BBS9: variants seen among roughly 807,000 people sequenced by gnomAD.
BBS9 encodes the protein Bardet-Biedl syndrome 9, also known as protein PTHB1.
A neutral mutation model predicts 117.7 loss-of-function variants in BBS9; 89 were observed. That is an observed-to-expected ratio of 0.76 (90% confidence interval 0.64 to 0.90). BBS9 has a LOEUF of 0.90. Ranked by LOEUF, BBS9 falls within the 40% of genes least tolerant of loss-of-function variation. The pLI is 0.00. For synonymous variants in BBS9, 379 were observed against 370.9 expected, an observed-to-expected ratio of 1.02 and a Z score of -0.25; for missense variants, 982 against 1,042.2, an observed-to-expected ratio of 0.94 and a Z score of 0.80.
chr7:33,282,732 G>C (rs1421016587), intron 9 of BBS9, among the ~76,000 whole-genome samples: 1 of 151,968 alleles, frequency 6.6e-6, no homozygotes, highest in African/African-American at 2.4e-5. Context: ...TAGCTGAAGT[G>C]GAAGGAATAT....
chr7:33,131,798 T>G (rs1331555036), intron 1 of BBS9, among the ~76,000 whole-genome samples: 1 of 152,110 alleles, frequency 6.6e-6, no homozygotes, highest in Non-Finnish European at 1.5e-5. Flanking sequence ...TATTAAAACT[T>G]TTTAAAATAT....
At chr7:33,222,625 AAATC>A (rs1790460215) in intron 5 of BBS9, among the ~76,000 whole-genome samples, 1 of 151,934 alleles carries the variant, frequency 6.6e-6, no homozygotes, top group South Asian at 2.1e-4. Flanking sequence ...TTCAAATCAC[AAATC>A]TGATCTTGTC....
chr7:33,271,118 A>G (rs1402571830), intron 7 of BBS9, among the ~76,000 whole-genome samples: 1 of 152,220 alleles, frequency 6.6e-6, no homozygotes, highest in Non-Finnish European at 1.5e-5. Context: ...ACTAAGCTTC[A>G]TATGTGAAGG....
intron 1 of BBS9, among the ~76,000 whole-genome samples, chr7:33,145,501 T>C (rs1410547057): frequency 6.6e-6 from 1 of 152,166 alleles, no homozygotes; most frequent in African/African-American, 2.4e-5. Flanking sequence ...CTGCTTCTTT[T>C]TTGGTGTGAA....
At chr7:33,282,095 T>A (rs1281633049) in intron 9 of BBS9, among the ~76,000 whole-genome samples, 2 of 152,192 alleles carry the variant, frequency 1.3e-5, no homozygotes, top group Non-Finnish European at 2.9e-5. Context: ...ATTACAGATG[T>A]GAGCTACCAT....
intron 19 of BBS9, among the ~76,000 whole-genome samples, chr7:33,493,531 G>T (rs1280823452): frequency 6.6e-6 from 1 of 152,178 alleles, no homozygotes; most frequent in South Asian, 2.1e-4. Context: ...ACCTAATTTT[G>T]TCACATATGA....
intron 19 of BBS9, among the ~76,000 whole-genome samples, chr7:33,395,774 G>A (rs942741307): frequency 2.0e-5 from 3 of 152,262 alleles, no homozygotes; most frequent in East Asian, 3.9e-4. Context: ...AGAAGCCTAA[G>A]AGCTTTTTGG....
At chr7:33,367,321 A>G (rs983050180) in intron 16 of BBS9, among the ~76,000 whole-genome samples, 4 of 152,162 alleles carry the variant, frequency 2.6e-5, no homozygotes, top group African/African-American at 9.6e-5. Context: ...GTATGAACTC[A>G]TGCCTTTAAA....
At chr7:33,253,389 G>A (rs867769735) in intron 5 of BBS9, among the ~76,000 whole-genome samples, 3 of 152,086 alleles carry the variant, frequency 2.0e-5, no homozygotes, top group African/African-American at 7.2e-5. Flanking sequence ...TGAGGTGAGC[G>A]GATCACCTGA....
intron 21 of BBS9, among the ~76,000 whole-genome samples, chr7:33,612,897 G>C (rs2129215635): frequency 6.6e-6 from 1 of 152,106 alleles, no homozygotes; most frequent in Middle Eastern, 3.4e-3. Flanking sequence ...CTCTTGAAAA[G>C]GTGCTTTCTG....
chr7:33,527,456 C>T (rs944681729), intron 20 of BBS9, among the ~76,000 whole-genome samples: 1 of 152,134 alleles, frequency 6.6e-6, no homozygotes, highest in Non-Finnish European at 1.5e-5. Context: ...CGTGGTGCGC[C>T]GTTTTTTAAG....
intron 1 of BBS9, among the ~76,000 whole-genome samples, chr7:33,140,452 A>G (rs1238554382): frequency 6.6e-6 from 1 of 152,140 alleles, no homozygotes; most frequent in African/African-American, 2.4e-5. Context: ...TATCGTAGCC[A>G]TCCTTCATAG....
chr7:33,358,252 C>T (rs1377371620), intron 16 of BBS9, among the ~76,000 whole-genome samples: 1 of 151,584 alleles, frequency 6.6e-6, no homozygotes, highest in Non-Finnish European at 1.5e-5. Flanking sequence ...AAATAAAAAT[C>T]AAGTGTTTCT....
intron 19 of BBS9, among the ~76,000 whole-genome samples, chr7:33,464,055 T>G (rs1052088916): frequency 2.0e-5 from 3 of 152,096 alleles, no homozygotes; most frequent in African/African-American, 7.2e-5. Context: ...TTTGTTAAGT[T>G]AAAATCATAC....
intron 21 of BBS9, among the ~76,000 whole-genome samples, chr7:33,598,359 C>T (rs984822962): frequency 2.6e-5 from 4 of 151,918 alleles, no homozygotes; most frequent in African/African-American, 9.7e-5. Flanking sequence ...TCAAGGCTAT[C>T]GAAAACAAAG....
intron 19 of BBS9, among the ~76,000 whole-genome samples, chr7:33,404,539 C>T (rs1462716426): frequency 9.2e-5 from 14 of 152,020 alleles, no homozygotes; most frequent in Non-Finnish European, 1.9e-4. Flanking sequence ...GTTTGTAGTC[C>T]TCCTTGAAGA....
chr7:33,149,615 G>A (rs1365344559), intron 2 of BBS9, among the ~76,000 whole-genome samples: 1 of 152,218 alleles, frequency 6.6e-6, no homozygotes, highest in African/African-American at 2.4e-5. Flanking sequence ...ATGCCAACCT[G>A]TGGCCTGGAG....
intron 19 of BBS9, among the ~76,000 whole-genome samples, chr7:33,398,793 C>T (rs554960025): frequency 3.8e-4 from 58 of 152,214 alleles, no homozygotes; most frequent in East Asian, 2.9e-3. Flanking sequence ...GGCTAGAGTA[C>T]GGTGGCATTA....
chr7:33,427,965 C>CTGTGATTTAAATACACGTATGTA (rs1403686148), intron 19 of BBS9, among the ~76,000 whole-genome samples: 1 of 152,122 alleles, frequency 6.6e-6, no homozygotes, highest in Non-Finnish European at 1.5e-5. Context: ...GTAATTAGAG[C>CTGTGATTTAAATACACGTATGTA]TGTGATTTAA....
Sources: gnomAD v4.1 joint callset for allele counts (sites outside exome capture counted in the v4.1 genomes callset) on GRCh38, gnomAD v4.1.1 for gene constraint, MANE v1.5 for transcripts, NCBI Gene and HGNC (gene_info 2026-07-23, HGNC 2026-07-21) for gene names.